WDR72: variants seen among roughly 807,000 people sequenced by gnomAD.
The protein encoded by WDR72 is WD repeat-containing protein 72.
A neutral mutation model predicts 124.2 loss-of-function variants in WDR72; 120 were observed. The observed-to-expected ratio is 0.97, with a 90% CI of 0.83 to 1.12. WDR72 has a LOEUF of 1.12. Ranked by LOEUF, WDR72 falls within the 50% of genes most tolerant of loss-of-function variation. The pLI is 0.00. For missense variants in WDR72, 1,387 were observed against 1,278.8 expected, an observed-to-expected ratio of 1.08 and a Z score of -1.29; for synonymous variants, 452 against 441.7, an observed-to-expected ratio of 1.02 and a Z score of -0.29.
At position 53,514,474 on chromosome 15, in the gene WDR72, A is replaced by C. The variant is rs137867992; in HGVS notation, c.*3225T>G. 74 of 152,284 alleles carry C rather than the reference A, an allele frequency of 4.9e-4. No individual in the cohort carries two copies. The highest frequency in any genetic ancestry group is 1.6e-3 in the African/African-American group (68 of 41,552). 9.4% of individuals were successfully genotyped at this position (152,284 alleles called of 1,614,324 possible). ...ATGGAAGAGAAATAGTATCTTTTCTAAAGTGTTCATTATAATAATTATGAA... is the reference window on the plus strand; with the variant it reads ...ATGGAAGAGAAATAGTATCTTTTCTCAAGTGTTCATTATAATAATTATGAA... On this transcript the variant is annotated 3_prime_UTR_variant, in exon 20 of 20. Transcript: ENST00000360509.
chr15:53,528,381 A>G (rs1294086936), intron 18 of WDR72, among the ~76,000 whole-genome samples: 1 of 152,084 alleles, frequency 6.6e-6, no homozygotes, highest in East Asian at 1.9e-4. Context: ...AATCATGTAG[A>G]AATGCCCCCA....
At chr15:53,547,819 C>T (rs189898594) in intron 18 of WDR72, among the ~76,000 whole-genome samples, 7 of 152,130 alleles carry the variant, frequency 4.6e-5, no homozygotes, top group South Asian at 2.1e-4. Context: ...TGGTGGTAGG[C>T]GCTTCAAGCA....
At chr15:53,639,511 T>TAATTTTATTTATTTATAAAATTATAC (rs2014757681) in intron 14 of WDR72, among the ~76,000 whole-genome samples, 1 of 146,918 alleles carries the variant, frequency 6.8e-6, no homozygotes, top group African/African-American at 2.5e-5. Context: ...TAAAATTATA[T>TAATTTTATTTATTTATAAAATTATAC]ATAATTTTAT....
intron 13 of WDR72, among the ~76,000 whole-genome samples, chr15:53,682,342 T>C (rs1199260788): frequency 6.6e-6 from 1 of 152,196 alleles, no homozygotes. Flanking sequence ...ATGTGTCTGT[T>C]TGCATGCACA....
At chr15:53,703,443 T>C (rs35453767) in intron 11 of WDR72, among the ~76,000 whole-genome samples, 5,681 of 150,770 alleles carry the variant, frequency 0.038, 134 homozygotes, top group Non-Finnish European at 0.05. Context: ...CTTTTCTCCC[T>C]GGGTCTATCA....
rs1430928208 is a variant in WDR72, at chr15:53,701,557, TCTCACACA to T, written c.1569+569_1569+576del. ...CCCTGTCTCTCTCTCTCTCTCTCTC[TCTCACACA>T]CACACACACACACACACACACACAC... On this transcript the variant is annotated intron_variant, in intron 12 of 19. Coordinates refer to ENST00000360509, the MANE Select transcript of WDR72 (RefSeq NM_182758.4). 7.3e-3 allele frequency among the ~76,000 whole-genome samples: 823 copies of T among 112,378 alleles called. 1 individual carries two copies. The highest frequency in any genetic ancestry group is 0.033 in the Middle Eastern group (8 of 246). The allele number at this position is 112,378 out of a possible 152,430, so 73.7% of individuals were successfully genotyped here.
At chr15:53,609,428 G>A in intron 17 of WDR72, 85 bp downstream of exon 17, 1 of 1,196,664 alleles carries the variant, frequency 8.4e-7, no homozygotes, top group South Asian at 1.2e-5. Context: ...GTAACTGCTT[G>A]TATTTTCAGA....
At chr15:53,578,736 T>A (rs1372587296) in intron 18 of WDR72, among the ~76,000 whole-genome samples, 1 of 150,048 alleles carries the variant, frequency 6.7e-6, no homozygotes, top group East Asian at 1.9e-4. Context: ...TAAATAAAAC[T>A]TAAAACAAAC....
At chr15:53,701,085 GTTT>G (rs944198918) in intron 12 of WDR72, among the ~76,000 whole-genome samples, 131 of 151,916 alleles carry the variant, frequency 8.6e-4, no homozygotes, top group Non-Finnish European at 1.2e-4. Context: ...GGTTGTTCAT[GTTT>G]TTTTTAAGTC....
intron 3 of WDR72, among the ~76,000 whole-genome samples, chr15:53,722,095 G>A (rs149462900): frequency 0.013 from 1,971 of 151,242 alleles, 43 homozygotes; most frequent in African/African-American, 0.045. Context: ...GTGCAGTGGC[G>A]CCATCTTAGC....
At chr15:53,759,779 C>G (rs893664686), upstream of WDR72, 1 of 147,614 alleles carries the variant, frequency 6.8e-6, no homozygotes, top group Admixed American at 6.8e-5. Context: ...CTAGCTCTGG[C>G]CCCAGCCGCC....
intron 13 of WDR72, among the ~76,000 whole-genome samples, 191 bp from the exon 14 acceptor site, chr15:53,665,959 T>G (rs565532165): frequency 6.6e-6 from 1 of 152,240 alleles, no homozygotes; most frequent in Non-Finnish European, 1.5e-5. Flanking sequence ...TCTGAACTTA[T>G]GGATTTGAAA....
At chr15:53,751,606 A>T (rs966842499) in intron 1 of WDR72, among the ~76,000 whole-genome samples, 2 of 152,202 alleles carry the variant, frequency 1.3e-5, no homozygotes, top group African/African-American at 4.8e-5. Flanking sequence ...AATCAAACCT[A>T]CAACAGAACC....
intron 3 of WDR72, among the ~76,000 whole-genome samples, chr15:53,722,591 A>G (rs1418518579): frequency 6.6e-6 from 1 of 152,216 alleles, no homozygotes; most frequent in Non-Finnish European, 1.5e-5. Context: ...CAATCCAGCA[A>G]CAAGAGTATT....
intron 1 of WDR72, among the ~76,000 whole-genome samples, chr15:53,739,858 C>T (rs1335093372): frequency 2.6e-5 from 4 of 152,146 alleles, no homozygotes; most frequent in Non-Finnish European, 5.9e-5. Context: ...CATTTTTTTA[C>T]GGGCAATGTG....
intron 9 of WDR72, among the ~76,000 whole-genome samples, chr15:53,710,298 T>C (rs1389707443): frequency 1.3e-5 from 2 of 152,178 alleles, no homozygotes; most frequent in East Asian, 1.9e-4. Flanking sequence ...TGTCACACCA[T>C]TTATCACAAG....
intron 18 of WDR72, among the ~76,000 whole-genome samples, chr15:53,548,017 A>C (rs770522915): frequency 3.9e-5 from 6 of 152,164 alleles, no homozygotes; most frequent in Non-Finnish European, 8.8e-5. Context: ...CACTTGAATG[A>C]CTTCTTTGTA....
chr15:53,762,155 T>C (rs2019073237), upstream of WDR72, among the ~76,000 whole-genome samples: 1 of 152,158 alleles, frequency 6.6e-6, no homozygotes, highest in African/African-American at 2.4e-5. Context: ...ATATCTGGCT[T>C]CCCAAATATT....
At position 53,615,482 on chromosome 15, in the gene WDR72, T is replaced by C. The variant is rs16966318; in HGVS notation, c.2724A>G (p.Leu908=). Residue 908 remains leucine (L), a synonymous_variant, in exon 15 of 20, where the codon CTA becomes CTG. Coordinates refer to ENST00000360509, the MANE Select transcript of WDR72 (RefSeq NM_182758.4). ...SDTIVYLLSR[L]FLVNKLVNMP... is the part of the protein sequence containing the mutation. ...TGTTAACTAATTTATTAACTAAAAA[T>C]AGTCTGCTCAACAAATAAACTATAG... 0.054 allele frequency: 86,357 copies of C among 1,611,992 alleles called. 6,701 individuals carry two copies. Among genetic ancestry groups the C allele is most frequent in the African/African-American group, 0.38 (28,424 of 74,806 alleles).
Sources: allele counts gnomAD v4.1 joint callset (sites outside exome capture counted in the v4.1 genomes callset), GRCh38; gene constraint gnomAD v4.1.1; transcripts MANE v1.5; gene names NCBI Gene and HGNC (gene_info 2026-07-23, HGNC 2026-07-21).